GPR15: variants seen among roughly 807,000 people sequenced by gnomAD.
GPR15 encodes brother of Bonzo.
In GPR15, 16 loss-of-function variants were observed where a neutral mutation model predicts 19.3. The observed-to-expected ratio is 0.83, with a 90% confidence interval of 0.56 to 1.26. The LOEUF (loss-of-function observed/expected upper bound fraction) is 1.26, where lower values mean the gene tolerates loss of function less well. GPR15 is among the 50% of genes most tolerant of loss of function. The probability of loss-of-function intolerance (pLI) is 0.00; values close to 1 mark genes in which losing one functional copy is unlikely to be tolerated. For synonymous variants in GPR15, 170 were observed against 171.2 expected, an observed-to-expected ratio of 0.99 and a Z score of 0.05; for missense variants, 458 against 429.4, an observed-to-expected ratio of 1.07 and a Z score of -0.59.
chr3:98,532,472 A>G lies in GPR15; in HGVS notation c.439A>G (p.Thr147Ala), dbSNP rs773539610. The G allele has an allele frequency of 1.2e-6, 2 of 1,614,100 alleles. No individual in the cohort carries two copies. The highest frequency in any genetic ancestry group is 8.5e-7 in the Non-Finnish European group (1 of 1,180,010). ...WPVVSRKFRRTDCAYVVCASI... is the reference protein window; with the variant it reads ...WPVVSRKFRRADCAYVVCASI... ...AGTCGTATCCAGGAAATTCAGAAGG[A>G]CAGACTGTGCATATGTAGTCTGTGC... The change falls in exon 1 of 1, where the codon ACA (threonine) becomes GCA (alanine). Residue 147 changes from threonine (T) to alanine (A), a missense_variant. By Grantham distance (58) the Thr-to-Ala change is moderately conservative. Transcript: ENST00000284311.
In GPR15 at chr3:98,534,508, T is replaced by C. The variant is rs1706682825; in HGVS notation, c.*1392T>C. Among the ~76,000 whole-genome samples the C allele has an allele frequency of 6.6e-6, 1 of 152,224 alleles. No individual in the cohort carries two copies. Among genetic ancestry groups the C allele is most frequent in the Non-Finnish European group, 1.5e-5 (1 of 68,022 alleles). On this transcript the variant is annotated 3_prime_UTR_variant, in exon 1 of 1. Coordinates refer to ENST00000284311, the MANE Select transcript of GPR15 (RefSeq NM_005290.4). ...AAAAACTTAGAATCCTTTCAAAGAC[T>C]AGCCAATTTAATTTCATCTCATGTA...
chr3:98,532,450 C>T lies in GPR15; in HGVS notation c.417C>T (p.Val139=). 5 of 1,614,046 alleles carry T rather than the reference C, an allele frequency of 3.1e-6. No homozygotes were observed. Among genetic ancestry groups the T allele is most frequent in the Non-Finnish European group, 4.2e-6 (5 of 1,180,000 alleles). Residue 139 remains valine, a synonymous_variant, in exon 1 of 1, where the codon GTC becomes GTT. Coordinates refer to ENST00000284311, the MANE Select transcript of GPR15 (RefSeq NM_005290.4). ...VDRYLAIVWP[V]VSRKFRRTDC... is the part of the protein sequence containing the mutation. Reference sequence around the variant, plus strand: ...GCTACCTGGCCATTGTGTGGCCAGTCGTATCCAGGAAATTCAGAAGGACAG... The same window carrying T: ...GCTACCTGGCCATTGTGTGGCCAGTTGTATCCAGGAAATTCAGAAGGACAG...
At position 98,532,392 on chromosome 3, in the gene GPR15, G is replaced by A; in HGVS notation, c.359G>A (p.Ser120Asn). The A allele has an allele frequency of 6.2e-7, 1 of 1,614,190 alleles. No individual in the cohort carries two copies. Among genetic ancestry groups the A allele is most frequent in the Non-Finnish European group, 8.5e-7 (1 of 1,180,040 alleles). ...SYMISVNMHC[S>N]VLLLTCMSVD... ...ATGATCTCCGTCAATATGCACTGCA[G>A]TGTCCTCCTGCTCACTTGCATGAGT... The change falls in exon 1 of 1, where the codon AGT (serine) becomes AAT (asparagine). Residue 120 changes from serine to asparagine, a missense_variant. Ser to Asn is a conservative substitution (Grantham distance 46). Coordinates refer to ENST00000284311, the MANE Select transcript of GPR15 (RefSeq NM_005290.4).
chr3:98,533,075 G>A lies in GPR15; in HGVS notation c.1042G>A (p.Glu348Lys). 6.8e-6 allele frequency: 11 copies of A among 1,612,564 alleles called. No homozygotes were observed. Among genetic ancestry groups the A allele is most frequent in the Non-Finnish European group, 9.3e-6 (11 of 1,179,796 alleles). Residue 348 changes from glutamate (E) to lysine (K), a missense_variant, in exon 1 of 1, where the codon GAA becomes AAA. Coordinates refer to ENST00000284311, the MANE Select transcript of GPR15 (RefSeq NM_005290.4). ...TKALSTFIHA[E>K]DFARRRKRSV... ...GGCTCTCTCCACCTTCATTCATGCA[G>A]AAGATTTTGCCAGGAGGAGGAAGAG...
Position 98,532,304 on chromosome 3 carries a change from G to T in GPR15, c.271G>T (p.Asp91Tyr). The change falls in exon 1 of 1, where the codon GAT becomes TAT. Residue 91 changes from aspartate (D) to tyrosine (Y), a missense_variant. Physicochemically the swap from Asp to Tyr is radical, Grantham distance 160 (BLOSUM62 -3). Transcript: ENST00000284311. Reference protein sequence around the residue: ...IFLVTLPLWVDKEASLGLWRT... With the variant: ...IFLVTLPLWVYKEASLGLWRT... ...TCTTGTCACATTGCCTCTCTGGGTG[G>T]ATAAAGAAGCATCTCTAGGACTGTG... The T allele has an allele frequency of 6.2e-7, 1 of 1,614,178 alleles. No homozygotes were observed. Among genetic ancestry groups the T allele is most frequent in the Non-Finnish European group, 8.5e-7 (1 of 1,180,014 alleles).
chr3:98,532,526 G>T lies in GPR15; in HGVS notation c.493G>T (p.Gly165Trp), dbSNP rs1706653701. 6.2e-7 allele frequency: 1 copy of T among 1,614,080 alleles called. No homozygotes were observed. Among genetic ancestry groups the T allele is most frequent in the Non-Finnish European group, 8.5e-7 (1 of 1,180,012 alleles). ...ASIWFISCLL[G>W]LPTLLSRELT... The stretch of plus-strand genomic sequence containing the variant: ...CATCTGGTTTATCTCCTGCCTGCTG[G>T]GGTTGCCTACTCTTCTGTCCAGGGA... The change falls in exon 1 of 1, where the codon GGG becomes TGG. Residue 165 changes from glycine (G) to tryptophan (W), a missense_variant. Physicochemically the swap from Gly to Trp is radical, Grantham distance 184. Transcript: ENST00000284311.
chr3:98,532,081 G>A lies in GPR15; in HGVS notation c.48G>A (p.Thr16=), dbSNP rs562498362. The A allele has an allele frequency of 2.4e-5, 38 of 1,613,906 alleles. 1 individual carries two copies. In the Admixed American group the frequency reaches 2.7e-4, roughly 11 times the overall value. ...TTTATTTGGATTATTACTATGCTAC[G>A]AGCCCAAACTCTGACATCAGGGAGA... ...TSVYLDYYYA[T]SPNSDIRETH... The change falls in exon 1 of 1, where the codon ACG becomes ACA. Residue 16 remains threonine (T), a synonymous_variant. Coordinates refer to ENST00000284311, the MANE Select transcript of GPR15 (RefSeq NM_005290.4).
Position 98,533,114 on chromosome 3 carries a change from TA to T in GPR15, c.*1del. The stretch of plus-strand genomic sequence containing the variant: ...GAGGAGGAAGAGGTCTGTGTCACTC[TA>T]AAGGGAACTGTGACATTTCAAGCTC... ...ARRRKRSVSL[*>X] On this transcript the variant is annotated frameshift_variant and stop_lost, in exon 1 of 1. Transcript: ENST00000284311. LOFTEE classifies it high-confidence loss of function. The T allele has an allele frequency of 6.3e-7, 1 of 1,597,218 alleles. No homozygotes were observed.
In GPR15 at chr3:98,532,772, G is replaced by A. The variant is rs573374737; in HGVS notation, c.739G>A (p.Val247Met). The A allele has an allele frequency of 3.3e-5, 54 of 1,613,742 alleles. 1 individual carries two copies. The highest frequency in any genetic ancestry group is 2.0e-4 in the Admixed American group (12 of 59,994). Residue 247 changes from valine to methionine, a missense_variant, in exon 1 of 1, where the codon GTG (valine) becomes ATG (methionine). Physicochemically the swap from Val to Met is conservative, Grantham distance 21. Coordinates refer to ENST00000284311, the MANE Select transcript of GPR15 (RefSeq NM_005290.4). Reference sequence around the variant, plus strand: ...ATCTATAAAGATCATCTTTATTGTCGTGGCAGCCTTTCTTGTCTCCTGGCT... The same window carrying A: ...ATCTATAAAGATCATCTTTATTGTCATGGCAGCCTTTCTTGTCTCCTGGCT... The part of the protein sequence containing the change: ...KKSIKIIFIV[V>M]AAFLVSWLPF...
rs777203651 is a variant in GPR15 at position 98,532,672 on chromosome 3, C to G, written c.639C>G (p.Thr213=). 3.7e-6 allele frequency: 6 copies of G among 1,614,172 alleles called. No individual in the cohort carries two copies. The South Asian group carries it at 6.6e-5, about 18-fold the overall frequency. ...TTGTCCCTTTGTTGAGCATTGTGACCTGCTACTGTTGCATTGCAAGGAAGC... is the reference window on the plus strand; with the variant it reads ...TTGTCCCTTTGTTGAGCATTGTGACGTGCTACTGTTGCATTGCAAGGAAGC... ...TFFVPLLSIV[T]CYCCIARKLC... is the part of the protein sequence containing the mutation. The change falls in exon 1 of 1, where the codon ACC becomes ACG. Residue 213 remains threonine (T), a synonymous_variant. Coordinates refer to ENST00000284311, the MANE Select transcript of GPR15 (RefSeq NM_005290.4).
chr3:98,533,089 G>T lies in GPR15; in HGVS notation c.1056G>T (p.Arg352Ser). 6.2e-7 allele frequency: 1 copy of T among 1,610,214 alleles called. No individual in the cohort carries two copies. The highest frequency in any genetic ancestry group is 1.1e-5 in the South Asian group (1 of 90,990). ...STFIHAEDFA[R>S]RRKRSVSL ...TCATTCATGCAGAAGATTTTGCCAG[G>T]AGGAGGAAGAGGTCTGTGTCACTCT... Residue 352 changes from arginine (R) to serine (S), a missense_variant, in exon 1 of 1, where the codon AGG becomes AGT. Coordinates refer to ENST00000284311, the MANE Select transcript of GPR15 (RefSeq NM_005290.4).
In GPR15 at chr3:98,531,983, A is replaced by C. The variant is rs762866395; in HGVS notation, c.-51A>C. The C allele has an allele frequency of 3.1e-5, 47 of 1,527,124 alleles. No individual in the cohort carries two copies. In the Admixed American group the frequency reaches 9.7e-4, roughly 31 times the overall value. 94.6% of individuals were successfully genotyped at this position (1,527,124 alleles called of 1,614,324 possible). The stretch of plus-strand genomic sequence containing the variant: ...CCTTGAGGTTTCTAAAATTTATACA[A>C]AAACATCATATGTAAGTAAACTCAC... On this transcript the variant is annotated 5_prime_UTR_variant, in exon 1 of 1. Coordinates refer to ENST00000284311, the MANE Select transcript of GPR15 (RefSeq NM_005290.4).
Position 98,532,241 on chromosome 3 carries a change from A to G in GPR15, c.208A>G (p.Ile70Val), listed in dbSNP as rs1375294257. 1 of 1,614,010 alleles carries G rather than the reference A, an allele frequency of 6.2e-7. No homozygotes were observed. Among genetic ancestry groups the G allele is most frequent in the African/African-American group, 1.3e-5 (1 of 74,910 alleles). Residue 70 changes from isoleucine (I) to valine (V), a missense_variant, in exon 1 of 1, where the codon ATC becomes GTC. Coordinates refer to ENST00000284311, the MANE Select transcript of GPR15 (RefSeq NM_005290.4). Reference sequence around the variant, plus strand: ...ACCCGGCAGCCGAAGACTGATCGACATCTTTATCATCAATCTGGCTGCCTC... The same window carrying G: ...ACCCGGCAGCCGAAGACTGATCGACGTCTTTATCATCAATCTGGCTGCCTC... ...FKPGSRRLID[I>V]FIINLAASDF...
rs1482260955 is a variant in GPR15, at chr3:98,533,636, T to G, written c.*520T>G. On this transcript the variant is annotated 3_prime_UTR_variant, in exon 1 of 1. Transcript: ENST00000284311. Reference sequence around the variant, plus strand: ...ACTAAGCTAGATTCTGACCTCAATCTTTAAAGCTTTGTATCGTGATTCTTC... The same window carrying G: ...ACTAAGCTAGATTCTGACCTCAATCGTTAAAGCTTTGTATCGTGATTCTTC... Among the ~76,000 whole-genome samples, 1 of 152,220 alleles carries G rather than the reference T, an allele frequency of 6.6e-6. No homozygotes were observed. Among genetic ancestry groups the G allele is most frequent in the African/African-American group, 2.4e-5 (1 of 41,460 alleles).
chr3:98,532,552 G>A lies in GPR15; in HGVS notation c.519G>A (p.Glu173=), dbSNP rs747711643. ...LLGLPTLLSR[E]LTLIDDKPYC... Reference sequence around the variant, plus strand: ...GGTTGCCTACTCTTCTGTCCAGGGAGCTCACGCTGATTGATGATAAGCCAT... The same window carrying A: ...GGTTGCCTACTCTTCTGTCCAGGGAACTCACGCTGATTGATGATAAGCCAT... The change falls in exon 1 of 1, where the codon GAG becomes GAA. Residue 173 remains glutamate (E), a synonymous_variant. Transcript: ENST00000284311. The A allele has an allele frequency of 1.2e-6, 2 of 1,614,186 alleles. No individual in the cohort carries two copies. The highest frequency in any genetic ancestry group is 4.5e-5 in the East Asian group (2 of 44,880).
rs1041692151 is a variant in GPR15, at chr3:98,533,381, T to C, written c.*265T>C. ...TCCCATCTGTCCTTGAACTCCTGGA[T>C]AAAGGCTCCTGCTTGAACCAGTCCC... On this transcript the variant is annotated 3_prime_UTR_variant, in exon 1 of 1. Transcript: ENST00000284311. Among the ~76,000 whole-genome samples, 1 of 152,162 alleles carries C rather than the reference T, an allele frequency of 6.6e-6. No homozygotes were observed. The highest frequency in any genetic ancestry group is 2.4e-5 in the African/African-American group (1 of 41,448).
Position 98,532,040 on chromosome 3 carries a change from C to G in GPR15, c.7C>G (p.Pro3Ala), listed in dbSNP as rs771272917. 1.2e-6 allele frequency: 2 copies of G among 1,604,892 alleles called. No homozygotes were observed. The highest frequency in any genetic ancestry group is 1.7e-6 in the Non-Finnish European group (2 of 1,173,632). The change falls in exon 1 of 1, where the codon CCA becomes GCA. Residue 3 changes from proline to alanine, a missense_variant. Pro to Ala is a conservative substitution (Grantham distance 27). Coordinates refer to ENST00000284311, the MANE Select transcript of GPR15 (RefSeq NM_005290.4). MD[P>A]EETSVYLDYY... Reference sequence around the variant, plus strand: ...TGGCATCTGCTCTTTGGTGATGGACCCAGAAGAAACTTCAGTTTATTTGGA... The same window carrying G: ...TGGCATCTGCTCTTTGGTGATGGACGCAGAAGAAACTTCAGTTTATTTGGA...
In GPR15 at chr3:98,534,377, T is replaced by C. The variant is rs1456093287; in HGVS notation, c.*1261T>C. Among the ~76,000 whole-genome samples the C allele has an allele frequency of 6.6e-6, 1 of 152,226 alleles. No individual in the cohort carries two copies. Among genetic ancestry groups the C allele is most frequent in the Non-Finnish European group, 1.5e-5 (1 of 68,018 alleles). On this transcript the variant is annotated 3_prime_UTR_variant, in exon 1 of 1. Coordinates refer to ENST00000284311, the MANE Select transcript of GPR15 (RefSeq NM_005290.4). ...AGACTCTGCAGCAGCAAGCATGCTA[T>C]TGTAAACATCTTTTGATTCAAGGGA... is the stretch of plus-strand genomic sequence containing the variant.
rs2107174548 is a variant in GPR15, at chr3:98,534,265, C to T, written c.*1149C>T. Reference sequence around the variant, plus strand: ...CAGAAACCTTCTTGAATTCCTTTACCCAATAAATATTTATTGAGTCAATTT... The same window carrying T: ...CAGAAACCTTCTTGAATTCCTTTACTCAATAAATATTTATTGAGTCAATTT... On this transcript the variant is annotated 3_prime_UTR_variant, in exon 1 of 1. Transcript: ENST00000284311. 6.6e-6 allele frequency among the ~76,000 whole-genome samples: 1 copy of T among 151,984 alleles called. No individual in the cohort carries two copies. Among genetic ancestry groups the T allele is most frequent in the South Asian group, 2.1e-4 (1 of 4,796 alleles).
Sources: allele counts gnomAD v4.1 joint callset (sites outside exome capture counted in the v4.1 genomes callset), GRCh38; gene constraint gnomAD v4.1.1; transcripts MANE v1.5; gene names NCBI Gene and HGNC (gene_info 2026-07-23, HGNC 2026-07-21).